The following CSMD1 variants were observed in gnomAD, a reference collection of about 807,000 sequenced individuals.
CSMD1 encodes the protein CUB and sushi domain-containing protein 1.
Under a neutral mutation model 417.5 loss-of-function variants are expected in CSMD1, and 213 were observed. The observed-to-expected ratio is 0.51, with a 90% CI of 0.46 to 0.57. The LOEUF (loss-of-function observed/expected upper bound fraction) is 0.57. Ranked by LOEUF, CSMD1 falls within the 20% of genes least tolerant of loss-of-function variation. The pLI, the probability that CSMD1 is intolerant of heterozygous loss-of-function variation, is 0.00. For missense variants in CSMD1, 6,923 were observed against 4,529.7 expected (o/e 1.53, Z -15.17); for synonymous variants, 2,862 against 1,736.8 (o/e 1.65, Z -16.11).
chr8:3,852,547 T>A (rs1190839687), intron 5 of CSMD1, among the ~76,000 whole-genome samples: 1 of 152,072 alleles, frequency 6.6e-6, no homozygotes, highest in Non-Finnish European at 1.5e-5. Flanking sequence ...TGTTAGGGAT[T>A]GAGGAAGGTG....
intron 2 of CSMD1, among the ~76,000 whole-genome samples, chr8:4,611,695 C>G (rs993137827): frequency 6.6e-6 from 1 of 152,080 alleles, no homozygotes; most frequent in African/African-American, 2.4e-5. Context: ...TTCATCATGA[C>G]TAAAGATGTT....
chr8:3,617,602 A>T (rs1270807755), intron 7 of CSMD1, among the ~76,000 whole-genome samples: 1 of 152,080 alleles, frequency 6.6e-6, no homozygotes, highest in Non-Finnish European at 1.5e-5. Flanking sequence ...TATCTATTTT[A>T]CTCTGAAAAT....
intron 7 of CSMD1, among the ~76,000 whole-genome samples, chr8:3,682,581 G>T (rs139539131): frequency 0.32 from 49,152 of 152,006 alleles, 8,812 homozygotes; most frequent in Admixed American, 0.45. Flanking sequence ...GGAACACTTT[G>T]ACACTGTTGG....
At chr8:3,343,932 T>C (rs1585028633) in intron 22 of CSMD1, among the ~76,000 whole-genome samples, 1 of 152,322 alleles carries the variant, frequency 6.6e-6, no homozygotes, top group South Asian at 2.1e-4. Flanking sequence ...TGCCGGAATC[T>C]TGTCACATTC....
At chr8:3,865,615 T>G (rs1233678494) in intron 5 of CSMD1, among the ~76,000 whole-genome samples, 2 of 152,160 alleles carry the variant, frequency 1.3e-5, no homozygotes, top group African/African-American at 4.8e-5. Context: ...GCCAATGTGT[T>G]ATTCCTTCAT....
At chr8:4,079,797 G>A (rs758414262) in intron 3 of CSMD1, among the ~76,000 whole-genome samples, 1 of 152,082 alleles carries the variant, frequency 6.6e-6, no homozygotes, top group Admixed American at 6.5e-5. Context: ...CATCAGGTTA[G>A]TAGCAGGGAG....
intron 10 of CSMD1, among the ~76,000 whole-genome samples, chr8:3,527,176 A>T (rs927771504): frequency 5.3e-5 from 8 of 152,164 alleles, no homozygotes; most frequent in African/African-American, 1.7e-4. Flanking sequence ...AAAAAAATAA[A>T]ATTTTAATAT....
intron 4 of CSMD1, among the ~76,000 whole-genome samples, chr8:4,029,424 C>A (rs3909677): frequency 4.6e-5 from 7 of 152,082 alleles, no homozygotes; most frequent in African/African-American, 7.2e-5. Context: ...GACCTAGCCA[C>A]GTCTTATATG....
At chr8:3,255,087 A>G (rs2117053750) in intron 26 of CSMD1, among the ~76,000 whole-genome samples, 1 of 152,206 alleles carries the variant, frequency 6.6e-6, no homozygotes. Context: ...TTTCATTGTA[A>G]CAGTCAGGAC....
intron 21 of CSMD1, among the ~76,000 whole-genome samples, chr8:3,358,140 G>A (rs1808919064): frequency 1.3e-5 from 2 of 152,112 alleles, no homozygotes; most frequent in African/African-American, 2.4e-5. Context: ...GTTTTATATG[G>A]ACTGTTAAAT....
chr8:4,615,052 G>C (rs114414701), intron 2 of CSMD1, among the ~76,000 whole-genome samples: 1 of 152,134 alleles, frequency 6.6e-6, no homozygotes, highest in Non-Finnish European at 1.5e-5. Context: ...GATGAGAAAG[G>C]CTTCCTATTT....
At chr8:3,241,414 G>A (rs933676934) in intron 26 of CSMD1, among the ~76,000 whole-genome samples, 2 of 152,116 alleles carry the variant, frequency 1.3e-5, no homozygotes, top group African/African-American at 4.8e-5. Flanking sequence ...CACTGTGAGA[G>A]TTACCTAAAG....
chr8:4,210,801 G>A (rs1030402064), intron 3 of CSMD1, among the ~76,000 whole-genome samples: 2 of 152,000 alleles, frequency 1.3e-5, no homozygotes, highest in East Asian at 1.9e-4. Flanking sequence ...ATATCTACAA[G>A]GTCTCAAGAC....
At chr8:4,902,658 T>C (rs1337534987) in intron 1 of CSMD1, among the ~76,000 whole-genome samples, 2 of 152,174 alleles carry the variant, frequency 1.3e-5, no homozygotes, top group Admixed American at 1.3e-4. Context: ...TTATGGCATA[T>C]ACTTTAATCA....
chr8:3,151,061 T>C (rs1288834852), intron 40 of CSMD1, among the ~76,000 whole-genome samples: 1 of 152,110 alleles, frequency 6.6e-6, no homozygotes, highest in Non-Finnish European at 1.5e-5. Context: ...ACAATAACCA[T>C]TATTGACTTC....
At chr8:3,617,069 T>C (rs964434410) in intron 7 of CSMD1, among the ~76,000 whole-genome samples, 4 of 152,170 alleles carry the variant, frequency 2.6e-5, no homozygotes, top group African/African-American at 9.7e-5. Flanking sequence ...TCTCATTTGG[T>C]CCTTATGATT....
At chr8:4,717,563 T>TATCTATCTATCTATCTATCC (rs765602082) in intron 1 of CSMD1, among the ~76,000 whole-genome samples, 2 of 137,166 alleles carry the variant, frequency 1.5e-5, no homozygotes, top group African/African-American at 5.5e-5. Context: ...TCTATCTATC[T>TATCTATCTATCTATCTATCC]ATCCATCCAT....
chr8:4,675,169 T>G (rs1431488999), intron 1 of CSMD1, among the ~76,000 whole-genome samples: 1 of 152,224 alleles, frequency 6.6e-6, no homozygotes, highest in Non-Finnish European at 1.5e-5. Context: ...AGTTTTTTCT[T>G]TAGTTTTAAA....
At chr8:3,415,947 C>A (rs1585131802) in intron 12 of CSMD1, among the ~76,000 whole-genome samples, 1 of 148,344 alleles carries the variant, frequency 6.7e-6, no homozygotes. Context: ...TAATTTTTGG[C>A]ACTTACAATG....
Sources: gnomAD v4.1 joint callset for allele counts (sites outside exome capture counted in the v4.1 genomes callset) on GRCh38, gnomAD v4.1.1 for gene constraint, MANE v1.5 for transcripts, NCBI Gene and HGNC (gene_info 2026-07-23, HGNC 2026-07-21) for gene names.